The following RNF220 variants were observed in gnomAD, a reference collection of about 807,000 sequenced individuals.
The protein encoded by RNF220 is E3 ubiquitin-protein ligase RNF220.
A neutral mutation model predicts 67.1 loss-of-function variants in RNF220; 7 were observed. The ratio of observed to expected loss-of-function variants is 0.10; its 90% CI spans 0.06 to 0.20. The LOEUF (loss-of-function observed/expected upper bound fraction) is 0.20. RNF220 is among the 10% of genes least tolerant of loss of function. The pLI, the probability that RNF220 is intolerant of heterozygous loss-of-function variation, is 1.00. For missense variants in RNF220, 565 were observed against 740.3 expected, an observed-to-expected ratio of 0.76 and a Z score of 2.75; for synonymous variants, 270 against 283.2, an observed-to-expected ratio of 0.95 and a Z score of 0.47.
intron 2 of RNF220, among the ~76,000 whole-genome samples, chr1:44,420,657 A>C (rs546353401): frequency 6.6e-6 from 1 of 152,148 alleles, no homozygotes; most frequent in African/African-American, 2.4e-5. Flanking sequence ...CATAGTCACT[A>C]TGAGTTTGGC....
intron 2 of RNF220, among the ~76,000 whole-genome samples, chr1:44,473,898 C>A (rs536626897): frequency 6.6e-6 from 1 of 152,152 alleles, no homozygotes; most frequent in Admixed American, 6.5e-5. Flanking sequence ...CATTCCCATG[C>A]GTTATCTTGT....
rs1452777529 is a variant in RNF220, at chr1:44,596,853, C to T, written c.626-17312C>T. Among the ~76,000 whole-genome samples the T allele has an allele frequency of 2.0e-5, 3 of 152,214 alleles. No homozygotes were observed. In the East Asian group the frequency reaches 5.8e-4, roughly 29 times the overall value. On this transcript the variant is annotated intron_variant, in intron 2 of 14. Transcript: ENST00000361799. ...CAACTATGAGGAGTTTGCCCAAGAA[C>T]TAAATGAATGTGATTGCCCACCAGT...
chr1:44,651,715 T>TA lies in RNF220; in HGVS notation c.*943dup, dbSNP rs1035578452. Reference sequence around the variant, plus strand: ...ACATTTGACATGGATTAAACCAGTATAAACAGTTGCTGCCTGTGTGTTATG... The same window carrying TA: ...ACATTTGACATGGATTAAACCAGTATAAAACAGTTGCTGCCTGTGTGTTATG... On this transcript the variant is annotated 3_prime_UTR_variant, in exon 15 of 15. Transcript: ENST00000361799. The TA allele has an allele frequency of 6.6e-6, 1 of 152,206 alleles. No homozygotes were observed. Among genetic ancestry groups the TA allele is most frequent in the African/African-American group, 2.4e-5 (1 of 41,368 alleles). 9.4% of individuals were successfully genotyped at this position (152,206 alleles called of 1,614,324 possible).
chr1:44,646,139 T>A (rs1335591691), intron 12 of RNF220, among the ~76,000 whole-genome samples: 1 of 152,218 alleles, frequency 6.6e-6, no homozygotes, highest in Non-Finnish European at 1.5e-5. Context: ...CATTGGTCAT[T>A]GCTTAACTCC....
intron 2 of RNF220, among the ~76,000 whole-genome samples, chr1:44,599,855 GA>G (rs1414271357): frequency 6.6e-6 from 1 of 152,140 alleles, no homozygotes; most frequent in African/African-American, 2.4e-5. Flanking sequence ...GTGGCTTTAG[GA>G]ACCAGGGAAG....
At chr1:44,455,489 C>A (rs1461446371) in intron 2 of RNF220, among the ~76,000 whole-genome samples, 1 of 151,986 alleles carries the variant, frequency 6.6e-6, no homozygotes, top group East Asian at 1.9e-4. Context: ...GCTCATGGGG[C>A]TCTCAAAGAA....
intron 5 of RNF220, chr1:44,631,818 T>A: frequency 1.3e-6 from 1 of 779,236 alleles, no homozygotes. Flanking sequence ...ATTGGGTGGG[T>A]AGGCTTCACG....
chr1:44,641,596 G>A lies in RNF220; in HGVS notation c.1127-3102G>A, dbSNP rs138713117. ...GCGGGAGGGGGGGCAAGCTGGCGGG[G>A]GCGCTGTCTGCATAAAACGGCTTTA... On this transcript the variant is annotated intron_variant, in intron 8 of 14. Coordinates refer to ENST00000361799, the MANE Select transcript of RNF220 (RefSeq NM_018150.4). Among the ~76,000 whole-genome samples the A allele has an allele frequency of 1.2e-4, 18 of 152,296 alleles. No individual in the cohort carries two copies. In the East Asian group the frequency reaches 2.7e-3, roughly 23 times the overall value.
At chr1:44,455,047 G>A (rs1653042355) in intron 2 of RNF220, among the ~76,000 whole-genome samples, 1 of 152,160 alleles carries the variant, frequency 6.6e-6, no homozygotes, top group African/African-American at 2.4e-5. Context: ...TTATTCTTGA[G>A]TAAAGAACAA....
intron 2 of RNF220, among the ~76,000 whole-genome samples, chr1:44,495,883 G>A (rs1467262393): frequency 6.6e-6 from 1 of 152,240 alleles, no homozygotes; most frequent in Non-Finnish European, 1.5e-5. Context: ...GTAGTGTCTA[G>A]CACCTTAGTA....
intron 2 of RNF220, among the ~76,000 whole-genome samples, chr1:44,589,627 A>AG (rs1329850461): frequency 6.6e-6 from 1 of 151,534 alleles, no homozygotes; most frequent in Non-Finnish European, 1.5e-5. Context: ...AAAAAAAAAA[A>AG]AAAGGAATAT....
intron 2 of RNF220, among the ~76,000 whole-genome samples, chr1:44,611,619 G>A (rs1345107334): frequency 6.6e-6 from 1 of 151,936 alleles, no homozygotes; most frequent in Non-Finnish European, 1.5e-5. Flanking sequence ...GCATCACCTC[G>A]CCCACAGATC....
intron 5 of RNF220, 51 bp downstream of exon 5, chr1:44,626,449 G>C (rs750377511): frequency 1.1e-5 from 16 of 1,424,758 alleles, no homozygotes; most frequent in Non-Finnish European, 6.9e-6. Context: ...CTGGGGGAGG[G>C]CTTCAAGAGC....
chr1:44,422,465 T>A (rs985914982), intron 2 of RNF220, among the ~76,000 whole-genome samples: 1 of 152,346 alleles, frequency 6.6e-6, no homozygotes, highest in South Asian at 2.1e-4. Flanking sequence ...AACCCAGACA[T>A]GGGTTTAACC....
At chr1:44,521,385 C>T (rs1659928876) in intron 2 of RNF220, among the ~76,000 whole-genome samples, 1 of 152,210 alleles carries the variant, frequency 6.6e-6, no homozygotes, top group African/African-American at 2.4e-5. Flanking sequence ...GGAGTTTACA[C>T]ATGGGATGAC....
At chr1:44,444,632 G>T (rs1029685020) in intron 2 of RNF220, among the ~76,000 whole-genome samples, 1 of 152,038 alleles carries the variant, frequency 6.6e-6, no homozygotes, top group Non-Finnish European at 1.5e-5. Flanking sequence ...GTAGAGACAG[G>T]ATTTCGCCAT....
At chr1:44,405,937 G>T (rs985127500) in intron 1 of RNF220, among the ~76,000 whole-genome samples, 1 of 152,206 alleles carries the variant, frequency 6.6e-6, no homozygotes. Context: ...CTTTGTTCGG[G>T]TCGATATCGA....
intron 2 of RNF220, among the ~76,000 whole-genome samples, chr1:44,506,212 G>C (rs562364378): frequency 6.6e-6 from 1 of 152,362 alleles, no homozygotes; most frequent in East Asian, 1.9e-4. Flanking sequence ...CATCACAGTG[G>C]TCAGAGAGGG....
At position 44,556,749 on chromosome 1, in the gene RNF220, C is replaced by G. The variant is rs540048472; in HGVS notation, c.626-57416C>G. 1.2e-3 allele frequency among the ~76,000 whole-genome samples: 176 copies of G among 152,110 alleles called. 1 individual carries two copies. The highest frequency in any genetic ancestry group is 4.1e-3 in the African/African-American group (168 of 41,474). ...AATTTTTTCCATTTTTTAGTAGAGACGGGGTTTCACTGTGTTAGCCAGGAT... is the reference window on the plus strand; with the variant it reads ...AATTTTTTCCATTTTTTAGTAGAGAGGGGGTTTCACTGTGTTAGCCAGGAT... On this transcript the variant is annotated intron_variant, in intron 2 of 14. Coordinates refer to ENST00000361799, the MANE Select transcript of RNF220 (RefSeq NM_018150.4).
Sources: gnomAD v4.1 joint callset for allele counts (sites outside exome capture counted in the v4.1 genomes callset) on GRCh38, gnomAD v4.1.1 for gene constraint, MANE v1.5 for transcripts, NCBI Gene and HGNC (gene_info 2026-07-23, HGNC 2026-07-21) for gene names.